The following DPYD variants were observed in gnomAD, a reference collection of about 807,000 sequenced individuals.
The protein encoded by DPYD is dihydropyrimidine dehydrogenase [NADP(+)].
Under a neutral mutation model 116.2 loss-of-function variants are expected in DPYD, and 109 were observed. That is an observed-to-expected ratio of 0.94 (90% confidence interval 0.80 to 1.10). DPYD has a LOEUF of 1.10. Among genes scored for constraint, DPYD ranks in the 50% least tolerant of loss-of-function variants. The pLI, the probability that DPYD is intolerant of heterozygous loss-of-function variation, is 0.00. For synonymous variants in DPYD, 440 were observed against 432.0 expected (o/e 1.02, Z -0.23); for missense variants, 1,302 against 1,254.5 (o/e 1.04, Z -0.57).
intron 13 of DPYD, among the ~76,000 whole-genome samples, chr1:97,451,914 G>T (rs946970839): frequency 6.6e-6 from 1 of 151,996 alleles, no homozygotes; most frequent in African/African-American, 2.4e-5. Context: ...GTCCAACCTA[G>T]GCCACAAGTT....
chr1:97,589,978 C>A (rs1012796120), intron 10 of DPYD, among the ~76,000 whole-genome samples: 1 of 152,136 alleles, frequency 6.6e-6, no homozygotes, highest in Non-Finnish European at 1.5e-5. Context: ...ATATTAAATT[C>A]TTCATATTGG....
chr1:97,532,384 T>C (rs1046076114), intron 12 of DPYD, among the ~76,000 whole-genome samples: 1 of 152,192 alleles, frequency 6.6e-6, no homozygotes. Flanking sequence ...AACAGTGTGA[T>C]GCTGGCCTCA....
intron 15 of DPYD, among the ~76,000 whole-genome samples, chr1:97,380,850 A>G (rs74105150): frequency 0.12 from 18,024 of 152,156 alleles, 1,398 homozygotes; most frequent in South Asian, 0.29. Flanking sequence ...TATTCATAAA[A>G]CCAAAACCAA....
chr1:97,126,187 G>A (rs547577933), intron 20 of DPYD, among the ~76,000 whole-genome samples: 115 of 152,196 alleles, frequency 7.6e-4, no homozygotes, highest in African/African-American at 2.7e-3. Flanking sequence ...TCTTATGGAT[G>A]TGGTATTCAG....
At chr1:97,292,971 A>G (rs1666308635) in intron 18 of DPYD, among the ~76,000 whole-genome samples, 2 of 152,214 alleles carry the variant, frequency 1.3e-5, no homozygotes, top group African/African-American at 4.8e-5. Context: ...AAATGTTTGG[A>G]ACTATTGAAT....
intron 8 of DPYD, among the ~76,000 whole-genome samples, chr1:97,601,906 T>C (rs1012388691): frequency 6.6e-6 from 1 of 152,072 alleles, no homozygotes; most frequent in African/African-American, 2.4e-5. Context: ...ATTTCATTGA[T>C]TTTTGAAATC....
At chr1:97,315,199 T>C (rs1437128658) in intron 16 of DPYD, among the ~76,000 whole-genome samples, 1 of 151,926 alleles carries the variant, frequency 6.6e-6, no homozygotes, top group Non-Finnish European at 1.5e-5. Flanking sequence ...AGGAACAGAC[T>C]CTGGCCCAGC....
At chr1:97,784,902 C>T (rs549254375) in intron 3 of DPYD, among the ~76,000 whole-genome samples, 2 of 152,266 alleles carry the variant, frequency 1.3e-5, no homozygotes, top group South Asian at 2.1e-4. Flanking sequence ...TAATGACAAA[C>T]AGATGCTAGG....
At chr1:97,094,614 G>A (rs1650111122) in intron 21 of DPYD, among the ~76,000 whole-genome samples, 1 of 152,068 alleles carries the variant, frequency 6.6e-6, no homozygotes, top group Non-Finnish European at 1.5e-5. Context: ...GGAAGGAATG[G>A]GAATCAGTTT....
At chr1:97,434,979 A>G (rs1234113505) in intron 14 of DPYD, among the ~76,000 whole-genome samples, 1 of 151,980 alleles carries the variant, frequency 6.6e-6, no homozygotes, top group Non-Finnish European at 1.5e-5. Flanking sequence ...ACACATCTGT[A>G]TCCTATAAAT....
At chr1:97,893,558 C>T (rs992402301) in intron 1 of DPYD, among the ~76,000 whole-genome samples, 1 of 149,058 alleles carries the variant, frequency 6.7e-6, no homozygotes, top group African/African-American at 2.5e-5. Flanking sequence ...ACATTTCCTT[C>T]CCAGGAAGGG....
intron 8 of DPYD, among the ~76,000 whole-genome samples, chr1:97,624,246 C>G (rs914755137): frequency 1.3e-5 from 2 of 151,836 alleles, no homozygotes; most frequent in Admixed American, 1.3e-4. Context: ...GAGTTAATAT[C>G]CAAAATACTT....
At chr1:97,207,553 T>C (rs1570671152) in intron 19 of DPYD, among the ~76,000 whole-genome samples, 1 of 152,176 alleles carries the variant, frequency 6.6e-6, no homozygotes, top group Admixed American at 6.6e-5. Flanking sequence ...TCTCTTATGA[T>C]AGTCCCCTTT....
intron 16 of DPYD, among the ~76,000 whole-genome samples, chr1:97,368,585 G>A (rs914563751): frequency 3.9e-5 from 6 of 152,050 alleles, no homozygotes; most frequent in Admixed American, 1.3e-4. Context: ...TATAGCTCCT[G>A]GGCAACTATT....
chr1:97,316,513 C>CAATAA (rs57832711), intron 16 of DPYD, among the ~76,000 whole-genome samples: 8,353 of 124,234 alleles, frequency 0.067, 410 homozygotes, highest in East Asian at 0.15. Flanking sequence ...GACTCTGTCT[C>CAATAA]AATAAAATAA....
At chr1:97,378,467 C>A (rs1420373334) in intron 15 of DPYD, among the ~76,000 whole-genome samples, 3 of 152,078 alleles carry the variant, frequency 2.0e-5, no homozygotes, top group African/African-American at 7.2e-5. Context: ...ATAGTGTGGT[C>A]ACTTGGTTTT....
chr1:97,819,495 C>G (rs1668809180), intron 3 of DPYD, among the ~76,000 whole-genome samples: 1 of 151,898 alleles, frequency 6.6e-6, no homozygotes, highest in South Asian at 2.1e-4. Context: ...TCATGTATTA[C>G]TACTTCCATC....
chr1:97,298,187 TA>T (rs1237681726), intron 18 of DPYD, among the ~76,000 whole-genome samples: 3 of 152,190 alleles, frequency 2.0e-5, no homozygotes, highest in Non-Finnish European at 4.4e-5. Context: ...TCGATGATAC[TA>T]ATCTTTCTTC....
At chr1:97,653,161 T>C (rs1487503112) in intron 8 of DPYD, among the ~76,000 whole-genome samples, 1 of 152,128 alleles carries the variant, frequency 6.6e-6, no homozygotes, top group Non-Finnish European at 1.5e-5. Context: ...GGGAAGAGAG[T>C]ATGCCTAAAT....
Sources: allele counts gnomAD v4.1 joint callset (sites outside exome capture counted in the v4.1 genomes callset), GRCh38; gene constraint gnomAD v4.1.1; transcripts MANE v1.5; gene names NCBI Gene and HGNC (gene_info 2026-07-23, HGNC 2026-07-21).